LNX1: variants seen among roughly 807,000 people sequenced by gnomAD.
LNX1 encodes the protein E3 ubiquitin-protein ligase LNX.
A neutral mutation model predicts 68.4 loss-of-function variants in LNX1; 54 were observed. The ratio of observed to expected loss-of-function variants is 0.79; its 90% CI spans 0.63 to 0.99. LNX1 has a LOEUF of 0.99. Ranked by LOEUF, LNX1 falls within the 50% of genes least tolerant of loss-of-function variation. LNX1 has a pLI of 0.00. For synonymous variants in LNX1, 336 were observed against 350.0 expected, an observed-to-expected ratio of 0.96 and a Z score of 0.45; for missense variants, 906 against 926.4, an observed-to-expected ratio of 0.98 and a Z score of 0.29.
At chr4:53,607,847 A>G (rs1414017114) in intron 2 of LNX1, among the ~76,000 whole-genome samples, 5 of 152,214 alleles carry the variant, frequency 3.3e-5, no homozygotes, top group African/African-American at 9.6e-5. Context: ...AACAAAGTCA[A>G]CAAAAACAAG....
intron 2 of LNX1, among the ~76,000 whole-genome samples, chr4:53,559,743 G>T (rs974008887): frequency 6.6e-6 from 1 of 151,664 alleles, no homozygotes; most frequent in Non-Finnish European, 1.5e-5. Flanking sequence ...GAACTCCTGG[G>T]CTCAAGCAAT....
At chr4:53,618,663 T>C (rs1236099713), upstream of LNX1, among the ~76,000 whole-genome samples, 2 of 152,168 alleles carry the variant, frequency 1.3e-5, no homozygotes, top group Non-Finnish European at 2.9e-5. Flanking sequence ...AAGGCAGTGC[T>C]GGCCAATAGG....
intron 2 of LNX1, among the ~76,000 whole-genome samples, chr4:53,612,123 C>T (rs569490796): frequency 6.6e-6 from 1 of 152,158 alleles, no homozygotes; most frequent in Admixed American, 6.5e-5. Flanking sequence ...TTGAGAAACT[C>T]GGAAATATCC....
chr4:53,584,525 T>A (rs1732043297), intron 1 of LNX1, among the ~76,000 whole-genome samples: 1 of 152,088 alleles, frequency 6.6e-6, no homozygotes, highest in Admixed American at 6.5e-5. Context: ...CAAGGAAAGT[T>A]AATGGGATAG....
chr4:53,646,735 A>T (rs1734895299), intron 1 of LNX1, among the ~76,000 whole-genome samples: 1 of 152,248 alleles, frequency 6.6e-6, no homozygotes, highest in Non-Finnish European at 1.5e-5. Flanking sequence ...CCATTGTTCT[A>T]CTTTCTATTC....
At position 53,506,856 on chromosome 4, in the gene LNX1, T is replaced by TAA. The variant is rs59260730; in HGVS notation, c.775+459_775+460dup. ...CCTGGGCGACAAGCAAAACTCTGTC[T>TAA]AAAAAAAAAAAAAAAAAAAGAGGAA... On this transcript the variant is annotated intron_variant, in intron 4 of 10. Coordinates refer to ENST00000263925, the MANE Select transcript of LNX1 (RefSeq NM_001126328.3). Among the ~76,000 whole-genome samples the TAA allele has an allele frequency of 2.1e-3, 112 of 54,198 alleles. 6 individuals are homozygous for TAA. Among genetic ancestry groups the TAA allele is most frequent in the African/African-American group, 4.3e-3 (69 of 16,166 alleles). 35.6% of individuals were successfully genotyped at this position (54,198 alleles called of 152,430 possible).
intron 2 of LNX1, among the ~76,000 whole-genome samples, chr4:53,614,276 G>A (rs1397399965): frequency 6.6e-6 from 1 of 152,128 alleles, no homozygotes; most frequent in Non-Finnish European, 1.5e-5. Context: ...TGACTCTGGG[G>A]CTTCCAGATT....
chr4:53,563,457 T>C (rs1730419295), intron 2 of LNX1, among the ~76,000 whole-genome samples: 1 of 151,524 alleles, frequency 6.6e-6, no homozygotes, highest in Non-Finnish European at 1.5e-5. Flanking sequence ...CTAAGGGGAG[T>C]AAGAGGGGGG....
intron 2 of LNX1, among the ~76,000 whole-genome samples, chr4:53,615,579 A>G (rs376471836): frequency 6.6e-6 from 1 of 152,212 alleles, no homozygotes; most frequent in Admixed American, 6.5e-5. Context: ...AAGGCAGCTG[A>G]ATGAAAACCC....
At chr4:53,553,985 C>T (rs750322053) in intron 2 of LNX1, among the ~76,000 whole-genome samples, 1 of 152,194 alleles carries the variant, frequency 6.6e-6, no homozygotes, top group Non-Finnish European at 1.5e-5. Context: ...AGTAGCCAAC[C>T]CGGAGGGTCA....
At chr4:53,568,162 C>T (rs966199829) in intron 2 of LNX1, among the ~76,000 whole-genome samples, 2 of 151,984 alleles carry the variant, frequency 1.3e-5, no homozygotes, top group African/African-American at 2.4e-5. Context: ...CAGCTTCATT[C>T]TGATACCAAA....
intron 4 of LNX1, among the ~76,000 whole-genome samples, chr4:53,499,145 C>A (rs886674780): frequency 2.0e-5 from 3 of 152,034 alleles, no homozygotes; most frequent in Admixed American, 2.0e-4. Context: ...GCACTCAACC[C>A]ATTATTGTTA....
At chr4:53,504,986 T>C (rs1216415870) in intron 4 of LNX1, among the ~76,000 whole-genome samples, 1 of 152,174 alleles carries the variant, frequency 6.6e-6, no homozygotes, top group Non-Finnish European at 1.5e-5. Context: ...ATTACCAAAA[T>C]GTGACACAGA....
intron 9 of LNX1, among the ~76,000 whole-genome samples, chr4:53,467,950 A>C (rs2150563936): frequency 2.6e-5 from 4 of 152,374 alleles, no homozygotes; most frequent in South Asian, 4.1e-4. Flanking sequence ...TCCCCAATCT[A>C]GCAAGGCAGG....
intron 1 of LNX1, among the ~76,000 whole-genome samples, chr4:53,578,154 CT>C (rs755502233): frequency 6.6e-6 from 1 of 152,152 alleles, no homozygotes; most frequent in Non-Finnish European, 1.5e-5. Context: ...TTGATTATGG[CT>C]AGTCAGAATC....
At chr4:53,627,597 G>T (rs758760499) in intron 1 of LNX1, among the ~76,000 whole-genome samples, 13 of 152,150 alleles carry the variant, frequency 8.5e-5, no homozygotes, top group Non-Finnish European at 1.8e-4. Flanking sequence ...TGAAAGAAAA[G>T]AAAATTCAAA....
intron 2 of LNX1, among the ~76,000 whole-genome samples, chr4:53,545,895 C>G (rs1420930982): frequency 6.6e-6 from 1 of 150,500 alleles, no homozygotes; most frequent in African/African-American, 2.5e-5. Context: ...ACAACCTCTG[C>G]CTCGCAGGTT....
intron 1 of LNX1, among the ~76,000 whole-genome samples, chr4:53,650,014 C>G (rs868444795): frequency 2.0e-5 from 3 of 152,274 alleles, no homozygotes; most frequent in Non-Finnish European, 4.4e-5. Flanking sequence ...AGTTTTCACC[C>G]TGGAAATGTT....
intron 2 of LNX1, among the ~76,000 whole-genome samples, chr4:53,605,002 A>G (rs901973234): frequency 6.6e-6 from 1 of 152,338 alleles, no homozygotes; most frequent in Middle Eastern, 3.4e-3. Flanking sequence ...TTACAAAACC[A>G]TAGCAAGACT....
Sources: gnomAD v4.1 joint callset for allele counts (sites outside exome capture counted in the v4.1 genomes callset) on GRCh38, gnomAD v4.1.1 for gene constraint, MANE v1.5 for transcripts, NCBI Gene and HGNC (gene_info 2026-07-23, HGNC 2026-07-21) for gene names.